Variants in SGCZ observed in about 807,000 individuals in gnomAD.
SGCZ encodes the protein zeta-sarcoglycan.
In SGCZ, 40 loss-of-function variants were observed where a neutral mutation model predicts 41.3. The ratio of observed to expected loss-of-function variants is 0.97; its 90% confidence interval spans 0.75 to 1.26. The LOEUF (loss-of-function observed/expected upper bound fraction) is 1.26. Among genes scored for constraint, SGCZ ranks in the 50% most tolerant of loss-of-function variants. SGCZ has a pLI of 0.00. For synonymous variants in SGCZ, 206 were observed against 137.5 expected, an observed-to-expected ratio of 1.50 and a Z score of -3.49; for missense variants, 552 against 369.8, an observed-to-expected ratio of 1.49 and a Z score of -4.04.
intron 3 of SGCZ, among the ~76,000 whole-genome samples, chr8:14,238,102 C>T (rs951397032): frequency 6.6e-6 from 1 of 152,222 alleles, no homozygotes; most frequent in Non-Finnish European, 1.5e-5. Context: ...ATTGGCTCAT[C>T]TAATCAGTGT....
intron 1 of SGCZ, among the ~76,000 whole-genome samples, chr8:14,999,797 G>T (rs769145536): frequency 6.6e-6 from 1 of 152,120 alleles, no homozygotes; most frequent in African/African-American, 2.4e-5. Flanking sequence ...CAAAGTAATG[G>T]GGAAGTAACC....
At chr8:14,898,070 A>G (rs9643991) in intron 1 of SGCZ, among the ~76,000 whole-genome samples, 33,861 of 151,962 alleles carry the variant, frequency 0.22, 5,001 homozygotes, top group East Asian at 0.64. Flanking sequence ...CCATCCAATA[A>G]GGAACTCTGA....
chr8:15,013,232 CA>C (rs1802903168), intron 1 of SGCZ, among the ~76,000 whole-genome samples: 2 of 152,094 alleles, frequency 1.3e-5, no homozygotes, highest in Admixed American at 1.3e-4. Context: ...TGGATTGCCT[CA>C]ATACATTTCT....
intron 1 of SGCZ, among the ~76,000 whole-genome samples, chr8:14,993,101 C>T (rs1802079704): frequency 6.6e-6 from 1 of 152,178 alleles, no homozygotes; most frequent in Non-Finnish European, 1.5e-5. Context: ...CCTCTTCATA[C>T]TATAATCTTC....
intron 1 of SGCZ, among the ~76,000 whole-genome samples, chr8:15,036,889 T>C (rs893620711): frequency 4.6e-5 from 7 of 152,066 alleles, no homozygotes; most frequent in African/African-American, 1.7e-4. Context: ...AAAATATCAT[T>C]CACTATGATC....
At chr8:15,106,062 A>C (rs1225223914) in intron 1 of SGCZ, among the ~76,000 whole-genome samples, 1 of 152,202 alleles carries the variant, frequency 6.6e-6, no homozygotes, top group African/African-American at 2.4e-5. Flanking sequence ...TTAAATTATC[A>C]TGACATTACA....
chr8:14,212,617 G>C, intron 4 of SGCZ, among the ~76,000 whole-genome samples: 1 of 152,188 alleles, frequency 6.6e-6, no homozygotes, highest in African/African-American at 2.4e-5. Flanking sequence ...AGGATCAAGA[G>C]TCTCTTAAGA....
At chr8:14,927,053 A>C (rs946084833) in intron 1 of SGCZ, among the ~76,000 whole-genome samples, 3 of 151,862 alleles carry the variant, frequency 2.0e-5, no homozygotes, top group Non-Finnish European at 2.9e-5. Flanking sequence ...ATTTTTATAG[A>C]AAATTTAAAT....
chr8:14,473,993 G>A (rs777996055), intron 2 of SGCZ, among the ~76,000 whole-genome samples: 1 of 151,876 alleles, frequency 6.6e-6, no homozygotes, highest in Non-Finnish European at 1.5e-5. Flanking sequence ...TACCCCATGG[G>A]TACTAGTTTT....
At chr8:14,681,905 A>T (rs1808457919) in intron 1 of SGCZ, among the ~76,000 whole-genome samples, 1 of 152,048 alleles carries the variant, frequency 6.6e-6, no homozygotes, top group Admixed American at 6.6e-5. Flanking sequence ...TTTATAGCTA[A>T]TGTTTGGTAA....
chr8:14,726,319 T>TATATATATATATAA, intron 1 of SGCZ, among the ~76,000 whole-genome samples: 1 of 131,558 alleles, frequency 7.6e-6, no homozygotes, highest in East Asian at 2.1e-4. Context: ...TACATATATA[T>TATATATATATATAA]ATATCTATAT....
intron 1 of SGCZ, among the ~76,000 whole-genome samples, chr8:14,999,821 G>A (rs904300153): frequency 1.2e-4 from 19 of 152,088 alleles, no homozygotes; most frequent in African/African-American, 4.1e-4. Flanking sequence ...AGACAATCGC[G>A]GAACAGCAAA....
intron 4 of SGCZ, among the ~76,000 whole-genome samples, chr8:14,166,314 G>C (rs1219957909): frequency 6.6e-6 from 1 of 152,102 alleles, no homozygotes; most frequent in Non-Finnish European, 1.5e-5. Flanking sequence ...TGTTGCATTT[G>C]ATCTTGAAAA....
chr8:14,392,827 A>C (rs1481905344), intron 2 of SGCZ, among the ~76,000 whole-genome samples: 1 of 107,318 alleles, frequency 9.3e-6, no homozygotes, highest in Non-Finnish European at 1.8e-5. Flanking sequence ...ATCAAATTCT[A>C]AGTGAGATTT....
chr8:14,635,916 T>G (rs1258708806), intron 1 of SGCZ, among the ~76,000 whole-genome samples: 1 of 151,934 alleles, frequency 6.6e-6, no homozygotes, highest in African/African-American at 2.4e-5. Flanking sequence ...ATCATTATAA[T>G]GCTGCCGATA....
intron 1 of SGCZ, among the ~76,000 whole-genome samples, chr8:14,787,445 A>C (rs1160644433): frequency 6.6e-6 from 1 of 152,116 alleles, no homozygotes; most frequent in African/African-American, 2.4e-5. Context: ...AAATATAATT[A>C]GAAATAGTAA....
chr8:14,871,837 T>G (rs1233340572), intron 1 of SGCZ, among the ~76,000 whole-genome samples: 1 of 150,982 alleles, frequency 6.6e-6, no homozygotes, highest in Non-Finnish European at 1.5e-5. Context: ...TATATATATA[T>G]ATGTATGTAT....
At chr8:14,937,355 T>C (rs796159419) in intron 1 of SGCZ, among the ~76,000 whole-genome samples, 4 of 152,074 alleles carry the variant, frequency 2.6e-5, no homozygotes, top group African/African-American at 2.4e-5. Flanking sequence ...TGAATTCTTA[T>C]GAACATTAGC....
intron 1 of SGCZ, among the ~76,000 whole-genome samples, chr8:14,776,009 C>T (rs987910233): frequency 1.3e-5 from 2 of 152,036 alleles, no homozygotes; most frequent in African/African-American, 4.8e-5. Context: ...AACGTCATCA[C>T]ATGTACAAAC....
Sources: allele counts gnomAD v4.1 joint callset (sites outside exome capture counted in the v4.1 genomes callset), GRCh38; gene constraint gnomAD v4.1.1; transcripts MANE v1.5; gene names NCBI Gene and HGNC (gene_info 2026-07-23, HGNC 2026-07-21).